The following JPH1 variants were observed in gnomAD, a reference collection of about 807,000 sequenced individuals.
JPH1 encodes the protein junctophilin 1.
JPH1 carries 12 observed loss-of-function variants against 53.6 expected under a neutral mutation model. The observed-to-expected ratio is 0.22, with a 90% CI of 0.14 to 0.36. JPH1 has a LOEUF of 0.36. Ranked by LOEUF, JPH1 falls within the 10% of genes least tolerant of loss-of-function variation. The probability of loss-of-function intolerance (pLI) is 1.00; values close to 1 mark genes in which losing one functional copy is unlikely to be tolerated. For synonymous variants in JPH1, 375 were observed against 363.8 expected (o/e 1.03, Z -0.35); for missense variants, 808 against 905.5 (o/e 0.89, Z 1.38).
intron 2 of JPH1, among the ~76,000 whole-genome samples, chr8:74,272,374 C>T (rs184028854): frequency 6.3e-4 from 96 of 152,286 alleles, no homozygotes; most frequent in Admixed American, 1.2e-3. Context: ...CATCATTCTG[C>T]TCCAACCCCT....
intron 2 of JPH1, among the ~76,000 whole-genome samples, chr8:74,304,883 T>C (rs113760471): frequency 4.7e-4 from 71 of 152,152 alleles, no homozygotes; most frequent in African/African-American, 1.4e-3. Context: ...CCTAAGAAAA[T>C]TGACTTCAAA....
chr8:74,270,481 CTG>C (rs1341432990), intron 2 of JPH1, among the ~76,000 whole-genome samples: 1 of 152,230 alleles, frequency 6.6e-6, no homozygotes, highest in East Asian at 1.9e-4. Context: ...TCTGAGGACA[CTG>C]AGAAAATGGA....
At chr8:74,279,513 G>C (rs750316000) in intron 2 of JPH1, among the ~76,000 whole-genome samples, 12 of 152,116 alleles carry the variant, frequency 7.9e-5, no homozygotes, top group Non-Finnish European at 1.0e-4. Flanking sequence ...GCTGAGCATG[G>C]GTGGAGTAGC....
intron 2 of JPH1, among the ~76,000 whole-genome samples, chr8:74,268,269 T>C (rs1192987154): frequency 6.6e-6 from 1 of 152,206 alleles, no homozygotes; most frequent in Non-Finnish European, 1.5e-5. Flanking sequence ...GAGTCAGCAC[T>C]GTACAGAAGT....
chr8:74,238,944 C>A (rs1190939728), intron 4 of JPH1, among the ~76,000 whole-genome samples: 2 of 152,160 alleles, frequency 1.3e-5, no homozygotes, highest in Non-Finnish European at 1.5e-5. Context: ...AGGCGTGTAC[C>A]ACAGTGCCTG....
At chr8:74,307,779 A>C (rs2131455642) in intron 2 of JPH1, among the ~76,000 whole-genome samples, 1 of 152,368 alleles carries the variant, frequency 6.6e-6, no homozygotes, top group Admixed American at 6.5e-5. Context: ...ATTACAGTAC[A>C]GACATAACGA....
chr8:74,295,318 T>C (rs1220407846), intron 2 of JPH1, among the ~76,000 whole-genome samples: 1 of 152,178 alleles, frequency 6.6e-6, no homozygotes, highest in Non-Finnish European at 1.5e-5. Flanking sequence ...TATAGTTCTA[T>C]ATGTGTGTAC....
intron 1 of JPH1, among the ~76,000 whole-genome samples, chr8:74,319,484 C>T (rs1808253149): frequency 6.6e-6 from 1 of 152,156 alleles, no homozygotes; most frequent in Non-Finnish European, 1.5e-5. Flanking sequence ...CTGTGAAACT[C>T]GGGACTCAGC....
At chr8:74,275,083 T>C (rs1188009207) in intron 2 of JPH1, among the ~76,000 whole-genome samples, 1 of 152,190 alleles carries the variant, frequency 6.6e-6, no homozygotes, top group Non-Finnish European at 1.5e-5. Flanking sequence ...AAGTAGTAAA[T>C]AACAGACTGG....
intron 2 of JPH1, among the ~76,000 whole-genome samples, chr8:74,311,466 C>T (rs1807991283): frequency 6.6e-6 from 1 of 151,946 alleles, no homozygotes; most frequent in Non-Finnish European, 1.5e-5. Flanking sequence ...GTCCTATCTC[C>T]CAGGCAGCAA....
At chr8:74,251,207 T>C (rs1185068322) in intron 3 of JPH1, among the ~76,000 whole-genome samples, 2 of 152,198 alleles carry the variant, frequency 1.3e-5, no homozygotes, top group Admixed American at 6.5e-5. Context: ...TCTCCTCCTC[T>C]GGACAGTGTT....
At chr8:74,314,788 T>TA in intron 2 of JPH1, 73 bp downstream of exon 2, 1 of 1,525,866 alleles carries the variant, frequency 6.6e-7, no homozygotes, top group Non-Finnish European at 8.9e-7. Context: ...CACTGGCAGA[T>TA]AGACAAACAT....
At chr8:74,260,970 C>G (rs1255886238) in intron 2 of JPH1, among the ~76,000 whole-genome samples, 1 of 152,158 alleles carries the variant, frequency 6.6e-6, no homozygotes, top group Non-Finnish European at 1.5e-5. Context: ...ATTGAGGGAC[C>G]ACTTTATGAA....
intron 2 of JPH1, among the ~76,000 whole-genome samples, chr8:74,286,726 G>A (rs936602688): frequency 1.3e-5 from 2 of 152,150 alleles, no homozygotes; most frequent in African/African-American, 4.8e-5. Context: ...CATTACACTG[G>A]AAATTCATGA....
At chr8:74,245,504 G>A (rs73686052) in intron 3 of JPH1, among the ~76,000 whole-genome samples, 2,136 of 152,328 alleles carry the variant, frequency 0.014, 65 homozygotes, top group African/African-American at 0.049. Context: ...CTAAGACACA[G>A]AAAGTGTATA....
At chr8:74,276,377 G>C (rs190475219) in intron 2 of JPH1, among the ~76,000 whole-genome samples, 4 of 152,188 alleles carry the variant, frequency 2.6e-5, no homozygotes, top group Non-Finnish European at 5.9e-5. Flanking sequence ...TTGTAACATG[G>C]AGGTCAAGTC....
chr8:74,289,684 G>C (rs1455658636), intron 2 of JPH1, among the ~76,000 whole-genome samples: 1 of 152,134 alleles, frequency 6.6e-6, no homozygotes, highest in Non-Finnish European at 1.5e-5. Context: ...TTGCCCTTAC[G>C]AACATTACTT....
At chr8:74,303,239 C>G in intron 2 of JPH1, among the ~76,000 whole-genome samples, 1 of 152,200 alleles carries the variant, frequency 6.6e-6, no homozygotes, top group Middle Eastern at 3.2e-3. Flanking sequence ...GCAAGCACAG[C>G]TCAAATCTCT....
At chr8:74,307,378 C>T (rs897413561) in intron 2 of JPH1, among the ~76,000 whole-genome samples, 46 of 152,202 alleles carry the variant, frequency 3.0e-4, no homozygotes, top group African/African-American at 1.1e-3. Flanking sequence ...ATAATTGCTC[C>T]CTGTTCACCA....
Sources: allele counts gnomAD v4.1 joint callset (sites outside exome capture counted in the v4.1 genomes callset), GRCh38; gene constraint gnomAD v4.1.1; transcripts MANE v1.5; gene names NCBI Gene and HGNC (gene_info 2026-07-23, HGNC 2026-07-21).